The following CCDC60 variants were observed in gnomAD, a reference collection of about 807,000 sequenced individuals.
The protein encoded by CCDC60 is coiled-coil domain-containing protein 60.
Under a neutral mutation model 63.5 loss-of-function variants are expected in CCDC60, and 54 were observed. The ratio of observed to expected loss-of-function variants is 0.85; its 90% CI spans 0.68 to 1.07. The LOEUF is 1.07. Among genes scored for constraint, CCDC60 ranks in the 50% least tolerant of loss-of-function variants. CCDC60 has a pLI of 0.00. For missense variants in CCDC60, 651 were observed against 684.3 expected (o/e 0.95, Z 0.54); for synonymous variants, 206 against 238.8 (o/e 0.86, Z 1.27).
At chr12:119,449,416 A>G (rs1194871189) in intron 2 of CCDC60, among the ~76,000 whole-genome samples, 2 of 152,220 alleles carry the variant, frequency 1.3e-5, no homozygotes, top group Admixed American at 6.5e-5. Flanking sequence ...TATATATTTC[A>G]AAGGCATCCA....
At chr12:119,338,024 A>G (rs1955491748) in intron 1 of CCDC60, among the ~76,000 whole-genome samples, 1 of 152,106 alleles carries the variant, frequency 6.6e-6, no homozygotes, top group South Asian at 2.1e-4. Context: ...CAGGGATGTC[A>G]AGCAATGGGA....
chr12:119,487,305 T>C (rs1344221139), intron 4 of CCDC60, among the ~76,000 whole-genome samples: 2 of 151,660 alleles, frequency 1.3e-5, no homozygotes, highest in Admixed American at 6.6e-5. Flanking sequence ...AGCTTTTTTT[T>C]TTTTTTTTCC....
At chr12:119,408,459 G>T (rs904805567) in intron 1 of CCDC60, among the ~76,000 whole-genome samples, 5 of 152,170 alleles carry the variant, frequency 3.3e-5, no homozygotes, top group African/African-American at 4.8e-5. Flanking sequence ...GCTGGTATCA[G>T]GTGCTTTCTG....
At chr12:119,409,094 G>A (rs994053766) in intron 1 of CCDC60, among the ~76,000 whole-genome samples, 5 of 152,328 alleles carry the variant, frequency 3.3e-5, no homozygotes, top group Middle Eastern at 3.4e-3. Context: ...ATACAAGAGT[G>A]TGAGTACCAG....
intron 2 of CCDC60, among the ~76,000 whole-genome samples, chr12:119,455,931 A>T (rs11064805): frequency 1.8e-4 from 15 of 81,202 alleles, no homozygotes; most frequent in African/African-American, 4.9e-4. Context: ...GAAAGAAAGA[A>T]AGAGAAAGAG....
intron 2 of CCDC60, among the ~76,000 whole-genome samples, chr12:119,440,062 G>C (rs1287669524): frequency 6.6e-6 from 1 of 151,974 alleles, no homozygotes; most frequent in Non-Finnish European, 1.5e-5. Flanking sequence ...GGGCCTGTCG[G>C]GGGGTGGGGG....
chr12:119,479,371 A>T (rs1951249929), intron 4 of CCDC60, 170 bp downstream of exon 4: 1 of 586,278 alleles, frequency 1.7e-6, no homozygotes, highest in African/African-American at 1.9e-5. Context: ...CAGAAAGTAG[A>T]CACAGTGGTT....
At chr12:119,511,706 G>A (rs1261183379) in intron 7 of CCDC60, among the ~76,000 whole-genome samples, 1 of 152,190 alleles carries the variant, frequency 6.6e-6, no homozygotes, top group Non-Finnish European at 1.5e-5. Context: ...TTGACATTTG[G>A]TGCTCTAGAA....
intron 13 of CCDC60, among the ~76,000 whole-genome samples, chr12:119,535,541 G>C (rs899093929): frequency 6.6e-6 from 1 of 152,120 alleles, no homozygotes; most frequent in African/African-American, 2.4e-5. Context: ...GCCTTCTCTT[G>C]TGGGCATTTA....
intron 6 of CCDC60, among the ~76,000 whole-genome samples, chr12:119,500,908 A>C (rs1593179127): frequency 1.3e-5 from 2 of 152,348 alleles, no homozygotes; most frequent in East Asian, 3.9e-4. Flanking sequence ...GATTTTCTAC[A>C]AACTAGAAGG....
intron 7 of CCDC60, among the ~76,000 whole-genome samples, chr12:119,506,487 C>T (rs2136434107): frequency 6.7e-6 from 1 of 149,654 alleles, no homozygotes; most frequent in African/African-American, 2.5e-5. Flanking sequence ...GTGGTGTGTG[C>T]CTGTGGTTCC....
rs184350064 is a variant in CCDC60, at chr12:119,442,178, G to A, written c.170+13416G>A. ...ATTTTTTACAGAAAAAAAACATTCC[G>A]TATAGACTACTTGCTTTTTTATTTA... is the stretch of plus-strand genomic sequence containing the variant. On this transcript the variant is annotated intron_variant, in intron 2 of 13. Transcript: ENST00000327554. Among the ~76,000 whole-genome samples the A allele has an allele frequency of 1.2e-3, 186 of 152,164 alleles. 1 individual carries two copies. The highest frequency in any genetic ancestry group is 6.8e-3 in the Middle Eastern group (2 of 294).
chr12:119,507,593 T>TAC (rs1274761731), intron 7 of CCDC60, among the ~76,000 whole-genome samples: 2 of 19,014 alleles, frequency 1.1e-4, no homozygotes, highest in Non-Finnish European at 1.6e-4. Context: ...TATATATACA[T>TAC]ATATATATAT....
chr12:119,345,815 G>GT (rs981684289), intron 1 of CCDC60, among the ~76,000 whole-genome samples: 38 of 128,686 alleles, frequency 3.0e-4, no homozygotes, highest in East Asian at 9.9e-4. Context: ...TTTGTTTTTT[G>GT]TTTTTTTTTG....
intron 1 of CCDC60, among the ~76,000 whole-genome samples, chr12:119,372,714 C>G (rs1955909980): frequency 6.6e-6 from 1 of 152,192 alleles, no homozygotes; most frequent in Non-Finnish European, 1.5e-5. Flanking sequence ...AGATTTCACA[C>G]AACACCTGGG....
chr12:119,439,150 C>CA (rs11317847), intron 2 of CCDC60, among the ~76,000 whole-genome samples: 1,776 of 72,116 alleles, frequency 0.025, 32 homozygotes, highest in African/African-American at 0.042. Flanking sequence ...CTTTTCTGGG[C>CA]AAAAAAAAAA....
At chr12:119,405,549 G>A (rs1956471790) in intron 1 of CCDC60, among the ~76,000 whole-genome samples, 1 of 151,990 alleles carries the variant, frequency 6.6e-6, no homozygotes, top group Non-Finnish European at 1.5e-5. Flanking sequence ...AACATTCTCA[G>A]ATTTAAAAAA....
At chr12:119,461,924 T>G (rs1266148856) in intron 2 of CCDC60, among the ~76,000 whole-genome samples, 2 of 152,226 alleles carry the variant, frequency 1.3e-5, no homozygotes, top group Non-Finnish European at 2.9e-5. Flanking sequence ...CTCCGCGGTA[T>G]CAAGGGAGCA....
At chr12:119,433,317 GTC>G in intron 2 of CCDC60, 1 of 678,330 alleles carries the variant, frequency 1.5e-6, no homozygotes, top group Non-Finnish European at 2.7e-6. Context: ...GGTCAGCTGA[GTC>G]TGTCACTCCC....
Sources: gnomAD v4.1 joint callset for allele counts (sites outside exome capture counted in the v4.1 genomes callset) on GRCh38, gnomAD v4.1.1 for gene constraint, MANE v1.5 for transcripts, NCBI Gene and HGNC (gene_info 2026-07-23, HGNC 2026-07-21) for gene names.